Variants in FHIP1A observed in about 807,000 individuals in gnomAD.
The protein encoded by FHIP1A is FHF complex subunit HOOK-interacting protein 1A.
In FHIP1A, 61 loss-of-function variants were observed where a neutral mutation model predicts 88.6. The ratio of observed to expected loss-of-function variants is 0.69; its 90% CI spans 0.56 to 0.85. FHIP1A has a LOEUF of 0.85. Among genes scored for constraint, FHIP1A ranks in the 40% least tolerant of loss-of-function variants. The pLI, the probability that FHIP1A is intolerant of heterozygous loss-of-function variation, is 0.00. For synonymous variants in FHIP1A, 478 were observed against 496.0 expected, an observed-to-expected ratio of 0.96 and a Z score of 0.48; for missense variants, 1,154 against 1,273.5, an observed-to-expected ratio of 0.91 and a Z score of 1.43.
chr4:151,415,004 A>T lies in FHIP1A; in HGVS notation c.-356+5539A>T, dbSNP rs529175736. Among the ~76,000 whole-genome samples the T allele has an allele frequency of 2.6e-3, 395 of 152,242 alleles. 11 individuals carry two copies. The South Asian group carries it at 0.078, about 30-fold the overall frequency. On this transcript the variant is annotated intron_variant, in intron 1 of 13. Transcript: ENST00000435205. ...TTTTTCCCTCTATTTAAAAATGTTT[A>T]TTATTAACGTGGTTGTTAATAACTA...
intron 2 of FHIP1A, among the ~76,000 whole-genome samples, chr4:151,456,068 A>G (rs982707080): frequency 7.2e-5 from 11 of 152,258 alleles, no homozygotes; most frequent in African/African-American, 2.6e-4. Context: ...TACATCATCT[A>G]TGGAAAAAAA....
intron 3 of FHIP1A, among the ~76,000 whole-genome samples, chr4:151,491,763 A>G (rs563438032): frequency 2.6e-5 from 4 of 152,314 alleles, no homozygotes; most frequent in South Asian, 2.1e-4. Context: ...CCTAACACAT[A>G]GAACTCACAT....
chr4:151,443,685 C>CTGTGTGTGTGTGTG (rs57147339), intron 1 of FHIP1A, among the ~76,000 whole-genome samples: 8,795 of 121,954 alleles, frequency 0.072, 440 homozygotes, highest in Middle Eastern at 0.086. Flanking sequence ...ATGAAGCACT[C>CTGTGTGTGTGTGTG]TGTGTGTGTG....
chr4:151,492,457 T>G (rs187496468), intron 3 of FHIP1A, among the ~76,000 whole-genome samples: 24 of 152,104 alleles, frequency 1.6e-4, no homozygotes, highest in Admixed American at 1.1e-3. Context: ...CTGGGTGTTG[T>G]GGTGTGCACC....
chr4:151,435,227 A>G (rs1335541067), intron 1 of FHIP1A, among the ~76,000 whole-genome samples: 3 of 152,078 alleles, frequency 2.0e-5, no homozygotes, highest in Admixed American at 6.6e-5. Flanking sequence ...CCTTTTAGCT[A>G]ACTATTTTCC....
At chr4:151,495,329 T>TC (rs919624122) in intron 3 of FHIP1A, among the ~76,000 whole-genome samples, 1 of 151,844 alleles carries the variant, frequency 6.6e-6, no homozygotes, top group Non-Finnish European at 1.5e-5. Context: ...ATGGCGAAAC[T>TC]CCATCTGTAC....
intron 4 of FHIP1A, among the ~76,000 whole-genome samples, chr4:151,574,812 A>G (rs1733721988): frequency 6.6e-6 from 1 of 152,170 alleles, no homozygotes; most frequent in African/African-American, 2.4e-5. Flanking sequence ...ATGATATAAA[A>G]CGAATTTACT....
At chr4:151,588,585 A>T (rs1265255781) in intron 6 of FHIP1A, among the ~76,000 whole-genome samples, 1 of 152,156 alleles carries the variant, frequency 6.6e-6, no homozygotes, top group Non-Finnish European at 1.5e-5. Flanking sequence ...TTTTTTCCAA[A>T]TACGCAGTTT....
intron 7 of FHIP1A, among the ~76,000 whole-genome samples, chr4:151,608,997 TC>T (rs1446550191): frequency 1.3e-5 from 2 of 152,184 alleles, no homozygotes; most frequent in African/African-American, 4.8e-5. Context: ...GCGGGGTACC[TC>T]CCATTGTTCA....
intron 6 of FHIP1A, 36 bp from the exon 7 acceptor site, chr4:151,588,804 C>G: frequency 7.8e-7 from 1 of 1,286,120 alleles, no homozygotes; most frequent in Non-Finnish European, 1.1e-6. Flanking sequence ...AGATTGAACT[C>G]TTTGCCTTTT....
At chr4:151,461,865 G>A (rs1729152137) in intron 2 of FHIP1A, among the ~76,000 whole-genome samples, 4 of 152,268 alleles carry the variant, frequency 2.6e-5, no homozygotes, top group Middle Eastern at 6.8e-3. Context: ...GATCGACTCT[G>A]TAATATATTG....
intron 7 of FHIP1A, among the ~76,000 whole-genome samples, chr4:151,594,975 A>G (rs1049521455): frequency 7.9e-5 from 12 of 152,174 alleles, no homozygotes; most frequent in African/African-American, 2.9e-4. Context: ...TCAAAAAACC[A>G]GCTTCTGGAT....
intron 1 of FHIP1A, among the ~76,000 whole-genome samples, chr4:151,435,574 C>T (rs924787758): frequency 6.6e-6 from 1 of 152,214 alleles, no homozygotes; most frequent in East Asian, 1.9e-4. Flanking sequence ...CACCTGAGGT[C>T]AGGAGTTCAG....
At position 151,577,619 on chromosome 4, in the gene FHIP1A, T is replaced by C; in HGVS notation, c.275T>C (p.Val92Ala). 6.4e-7 allele frequency: 1 copy of C among 1,551,904 alleles called. No individual in the cohort carries two copies. Among genetic ancestry groups the C allele is most frequent in the Non-Finnish European group, 8.7e-7 (1 of 1,147,012 alleles). Reference protein sequence around the residue: ...DAAMGPILEFVVSENIMEKLF... With the variant: ...DAAMGPILEFAVSENIMEKLF... ...GCAATGGGGCCGATTCTGGAATTTGTGGTCTCTGAGAACATCATGGAGAAA... is the reference window on the plus strand; with the variant it reads ...GCAATGGGGCCGATTCTGGAATTTGCGGTCTCTGAGAACATCATGGAGAAA... The change falls in exon 5 of 14, where the codon GTG becomes GCG. Residue 92 changes from valine to alanine, a missense_variant. Transcript: ENST00000435205.
chr4:151,565,739 C>T (rs1310961454), intron 3 of FHIP1A, among the ~76,000 whole-genome samples: 1 of 151,694 alleles, frequency 6.6e-6, no homozygotes, highest in Non-Finnish European at 1.5e-5. Flanking sequence ...TAGTTTGGTG[C>T]AAAAATAATT....
At chr4:151,434,597 A>G (rs1733729903) in intron 1 of FHIP1A, among the ~76,000 whole-genome samples, 1 of 152,168 alleles carries the variant, frequency 6.6e-6, no homozygotes, top group South Asian at 2.1e-4. Context: ...TGTATGAATC[A>G]TTGCAGTAAG....
At chr4:151,476,091 A>G (rs1729689595) in intron 2 of FHIP1A, among the ~76,000 whole-genome samples, 1 of 150,066 alleles carries the variant, frequency 6.7e-6, no homozygotes, top group Non-Finnish European at 1.5e-5. Context: ...CGATCTTTTG[A>G]CCTTGTGATT....
intron 3 of FHIP1A, among the ~76,000 whole-genome samples, chr4:151,515,443 G>T (rs1370045674): frequency 1.9e-4 from 28 of 150,050 alleles, no homozygotes; most frequent in Middle Eastern, 3.5e-3. Flanking sequence ...AGTGTTGGAA[G>T]TTCTGGCCAG....
chr4:151,495,278 A>C (rs1451101989), intron 3 of FHIP1A, among the ~76,000 whole-genome samples: 2 of 152,100 alleles, frequency 1.3e-5, no homozygotes, highest in Non-Finnish European at 2.9e-5. Flanking sequence ...CAAGGCGGGC[A>C]GTTCATCTGA....
Sources: allele counts gnomAD v4.1 joint callset (sites outside exome capture counted in the v4.1 genomes callset), GRCh38; gene constraint gnomAD v4.1.1; transcripts MANE v1.5; gene names NCBI Gene and HGNC (gene_info 2026-07-23, HGNC 2026-07-21).